The following LRRC8D variants were observed in gnomAD, a reference collection of about 807,000 sequenced individuals.
LRRC8D encodes the protein leucine rich repeat containing 8 VRAC subunit D.
In LRRC8D, 20 loss-of-function variants were observed where a neutral mutation model predicts 55.8. The observed-to-expected ratio is 0.36, with a 90% CI of 0.25 to 0.52. The LOEUF is 0.52. LRRC8D is among the 20% of genes least tolerant of loss of function. The pLI, the probability that LRRC8D is intolerant of heterozygous loss-of-function variation, is 0.93. For synonymous variants in LRRC8D, 352 were observed against 377.0 expected (o/e 0.93, Z 0.77); for missense variants, 651 against 1,030.8 (o/e 0.63, Z 5.05).
At chr1:89,906,164 A>G (rs895754636) in intron 2 of LRRC8D, among the ~76,000 whole-genome samples, 8 of 152,182 alleles carry the variant, frequency 5.3e-5, no homozygotes, top group African/African-American at 1.7e-4. Context: ...TCTTTCAAGC[A>G]TCACTTTTAG....
chr1:89,934,720 A>T lies in LRRC8D; in HGVS notation c.1652A>T (p.Glu551Val), dbSNP rs776185456. ...CACGTGAAGTTCACTGATGTGGCTG[A>T]AATTCCTGCCTGGGTGTATTTGCTC... ...CLHVKFTDVAEIPAWVYLLKN... is the reference protein window; with the variant it reads ...CLHVKFTDVAVIPAWVYLLKN... The change falls in exon 3 of 3, where the codon GAA (glutamate) becomes GTA (valine). Residue 551 changes from glutamate (E) to valine (V), a missense_variant. Physicochemically the swap from Glu to Val is moderately radical, Grantham distance 121. Transcript: ENST00000337338. The surrounding 1 kb of genome is among the most constrained non-coding windows in gnomAD (Gnocchi z 5.9). The T allele has an allele frequency of 1.2e-6, 2 of 1,614,168 alleles. No homozygotes were observed. The highest frequency in any genetic ancestry group is 1.7e-6 in the Non-Finnish European group (2 of 1,180,014).
chr1:89,852,475 T>C (rs1661443806), intron 2 of LRRC8D, among the ~76,000 whole-genome samples: 7 of 152,158 alleles, frequency 4.6e-5, no homozygotes, highest in Admixed American at 4.6e-4. Context: ...CGCCCCTCCG[T>C]CATCCCCACC....
At position 89,909,038 on chromosome 1, in the gene LRRC8D, C is replaced by G. The variant is rs192742579; in HGVS notation, c.-2-24029C>G. ...GGTGTGTTTGCGTGTGTGTGTGTGT[C>G]TGTGTGTCTGTGTGTGTGTCTGAAA... On this transcript the variant is annotated intron_variant, in intron 2 of 2. Coordinates refer to ENST00000337338, the MANE Select transcript of LRRC8D (RefSeq NM_001134479.2). Among the ~76,000 whole-genome samples the G allele has an allele frequency of 2.2e-3, 334 of 149,978 alleles. 1 individual carries two copies. The highest frequency in any genetic ancestry group is 7.9e-3 in the African/African-American group (327 of 41,184).
intron 2 of LRRC8D, among the ~76,000 whole-genome samples, chr1:89,868,576 G>A (rs1222309011): frequency 6.6e-6 from 1 of 151,626 alleles, no homozygotes; most frequent in Non-Finnish European, 1.5e-5. Flanking sequence ...ATAATAAAGA[G>A]CTAATTGTTG....
intron 2 of LRRC8D, among the ~76,000 whole-genome samples, chr1:89,900,339 G>A (rs1390822302): frequency 6.6e-6 from 1 of 151,124 alleles, no homozygotes; most frequent in Non-Finnish European, 1.5e-5. Context: ...TGGGAGAAAT[G>A]ACTTTTGGGT....
At chr1:89,834,371 G>A (rs1660956823) in intron 1 of LRRC8D, among the ~76,000 whole-genome samples, 1 of 152,204 alleles carries the variant, frequency 6.6e-6, no homozygotes, top group African/African-American at 2.4e-5. Flanking sequence ...GTGGTCCACA[G>A]TGGGCCACTT....
chr1:89,894,396 A>G (rs765239777), intron 2 of LRRC8D, among the ~76,000 whole-genome samples: 2 of 152,218 alleles, frequency 1.3e-5, no homozygotes, highest in African/African-American at 2.4e-5. Context: ...GCACAAGGGT[A>G]TGAAGGGAAA....
chr1:89,878,555 T>C (rs145978547), intron 2 of LRRC8D, among the ~76,000 whole-genome samples: 3 of 152,322 alleles, frequency 2.0e-5, no homozygotes, highest in South Asian at 4.1e-4. Context: ...CATGGACTCA[T>C]TGTACTTAGA....
chr1:89,903,991 A>G (rs1242025266), intron 2 of LRRC8D, among the ~76,000 whole-genome samples: 3 of 152,194 alleles, frequency 2.0e-5, no homozygotes, highest in African/African-American at 7.2e-5. Flanking sequence ...GCCTTTGAGA[A>G]TAATTACCAT....
At chr1:89,876,091 C>T (rs900614024) in intron 2 of LRRC8D, among the ~76,000 whole-genome samples, 1 of 152,118 alleles carries the variant, frequency 6.6e-6, no homozygotes, top group Non-Finnish European at 1.5e-5. Context: ...CCACTCTTCT[C>T]CAGGCTTCCA....
At chr1:89,904,207 A>C (rs573196139) in intron 2 of LRRC8D, among the ~76,000 whole-genome samples, 1 of 152,300 alleles carries the variant, frequency 6.6e-6, no homozygotes, top group Non-Finnish European at 1.5e-5. Flanking sequence ...AGTTAAAAAC[A>C]TTTCCCCCTT....
intron 2 of LRRC8D, among the ~76,000 whole-genome samples, chr1:89,873,701 G>A (rs149236535): frequency 4.9e-4 from 74 of 152,278 alleles, no homozygotes; most frequent in African/African-American, 1.8e-3. Context: ...CATGTTTCTC[G>A]TAAACCTAAA....
chr1:89,928,322 C>T (rs557618374), intron 2 of LRRC8D, among the ~76,000 whole-genome samples: 2 of 152,236 alleles, frequency 1.3e-5, no homozygotes, highest in East Asian at 1.9e-4. Context: ...CTGCCCACCT[C>T]GGCCTCCCAA....
chr1:89,898,384 G>A (rs149537715), intron 2 of LRRC8D, among the ~76,000 whole-genome samples: 11 of 152,322 alleles, frequency 7.2e-5, no homozygotes, highest in African/African-American at 2.6e-4. Context: ...ATCTCACAAT[G>A]TTCCAGATAT....
intron 2 of LRRC8D, among the ~76,000 whole-genome samples, chr1:89,848,576 TAAAAG>T (rs1426639895): frequency 6.6e-6 from 1 of 152,178 alleles, no homozygotes; most frequent in Non-Finnish European, 1.5e-5. Flanking sequence ...CTTTATTTGT[TAAAAG>T]AAATTACTTC....
chr1:89,867,796 C>T (rs1421157583), intron 2 of LRRC8D, among the ~76,000 whole-genome samples: 1 of 152,142 alleles, frequency 6.6e-6, no homozygotes, highest in Non-Finnish European at 1.5e-5. Context: ...CATGTGAAGA[C>T]ATTTAATTAA....
chr1:89,847,710 C>A (rs1307058725), intron 2 of LRRC8D, among the ~76,000 whole-genome samples: 3 of 152,082 alleles, frequency 2.0e-5, no homozygotes, highest in Admixed American at 6.5e-5. Flanking sequence ...TGCAGTGGCT[C>A]CTGACACCAA....
At chr1:89,871,475 C>T (rs1662005726) in intron 2 of LRRC8D, among the ~76,000 whole-genome samples, 1 of 152,144 alleles carries the variant, frequency 6.6e-6, no homozygotes, top group Non-Finnish European at 1.5e-5. Context: ...AATATACATT[C>T]ATTTTATATT....
At chr1:89,851,659 A>G (rs1327637119) in intron 2 of LRRC8D, among the ~76,000 whole-genome samples, 1 of 151,986 alleles carries the variant, frequency 6.6e-6, no homozygotes, top group Non-Finnish European at 1.5e-5. Flanking sequence ...ACAGGTGCAC[A>G]TTGCCACATC....
Sources: gnomAD v4.1 joint callset for allele counts (sites outside exome capture counted in the v4.1 genomes callset) on GRCh38, gnomAD v4.1.1 for gene constraint, Gnocchi (gnomAD v3.1) non-coding constraint, MANE v1.5 for transcripts, NCBI Gene and HGNC (gene_info 2026-07-23, HGNC 2026-07-21) for gene names.